The following TGFB3 variants were observed in gnomAD, a reference collection of about 807,000 sequenced individuals.
TGFB3 encodes transforming growth factor beta-3 proprotein.
Under a neutral mutation model 40.1 loss-of-function variants are expected in TGFB3, and 5 were observed. The observed-to-expected ratio is 0.12, with a 90% CI of 0.07 to 0.26. The LOEUF is 0.26. TGFB3 is among the 10% of genes least tolerant of loss of function. The pLI, the probability that TGFB3 is intolerant of heterozygous loss-of-function variation, is 1.00. For missense variants in TGFB3, 373 were observed against 530.1 expected (o/e 0.70, Z 2.91); for synonymous variants, 184 against 205.6 (o/e 0.89, Z 0.90).
rs71451199 is a variant in TGFB3, at chr14:75,981,428, T to TAA, written c.-537_-536dup. The TAA allele has an allele frequency of 2.5e-5, 4 of 159,656 alleles. No homozygotes were observed. Among genetic ancestry groups the TAA allele is most frequent in the South Asian group, 2.8e-4 (2 of 7,144 alleles). The allele number at this position is 159,656 out of a possible 1,614,324, so 9.9% of individuals were successfully genotyped here. On this transcript the variant is annotated 5_prime_UTR_variant, in exon 1 of 7. Transcript: ENST00000238682. The surrounding 1 kb of genome is among the most constrained non-coding windows in gnomAD (Gnocchi z 4.7). ...ATGGAAAAGAAAAGGGAAAAAAAAGTAAAAAAAAAAAGATCACCAGTGAGT... is the reference window on the plus strand; with the variant it reads ...ATGGAAAAGAAAAGGGAAAAAAAAGTAAAAAAAAAAAAAGATCACCAGTGAGT...
chr14:75,971,413 C>T lies in TGFB3; in HGVS notation c.516+142G>A. The stretch of plus-strand genomic sequence containing the variant: ...AGCTAACTCTTAAGTGTTTTAATGA[C>T]AGACACAGATACGGAAACGAAGGCT... On this transcript the variant is annotated intron_variant, in intron 2 of 6. Coordinates refer to ENST00000238682, the MANE Select transcript of TGFB3 (RefSeq NM_003239.5). The surrounding 1 kb of genome is among the most constrained non-coding windows in gnomAD (Gnocchi z 4.5). The T allele has an allele frequency of 6.6e-7, 1 of 1,518,486 alleles. No homozygotes were observed. The highest frequency in any genetic ancestry group is 9.0e-7 in the Non-Finnish European group (1 of 1,113,798). 94.1% of individuals were successfully genotyped at this position (1,518,486 alleles called of 1,614,324 possible). A position where few individuals can be genotyped will look rare whatever the true frequency, so the allele number is the denominator to read the frequency against.
intron 1 of TGFB3, among the ~76,000 whole-genome samples, chr14:75,972,885 C>T (rs2035310627): frequency 6.6e-6 from 1 of 152,206 alleles, no homozygotes; most frequent in Non-Finnish European, 1.5e-5. Flanking sequence ...GGCAGAAACA[C>T]AGATGCTTCC....
intron 6 of TGFB3, 143 bp from the exon 7 acceptor site, chr14:75,959,488 G>T: frequency 2.1e-6 from 2 of 966,682 alleles, no homozygotes; most frequent in Non-Finnish European, 3.2e-6. Context: ...AACTGTTGGG[G>T]GCCGGGTGCA....
At chr14:75,961,179 A>AT in intron 5 of TGFB3, 103 bp from the exon 6 acceptor site, 1 of 1,362,634 alleles carries the variant, frequency 7.3e-7, no homozygotes, top group Non-Finnish European at 1.0e-6. Context: ...ATGCCATCAT[A>AT]GGTGGCTCTG....
intron 1 of TGFB3, among the ~76,000 whole-genome samples, chr14:75,974,527 C>A (rs1237565389): frequency 1.3e-5 from 2 of 151,950 alleles, no homozygotes; most frequent in African/African-American, 4.8e-5. Flanking sequence ...CACTAGCAAG[C>A]AAAGCTTAGG....
At chr14:75,969,341 C>T (rs2035259196) in intron 3 of TGFB3, among the ~76,000 whole-genome samples, 2 of 152,130 alleles carry the variant, frequency 1.3e-5, no homozygotes, top group Non-Finnish European at 2.9e-5. Flanking sequence ...GATGGGACTG[C>T]CATCTGTGAC....
intron 4 of TGFB3, among the ~76,000 whole-genome samples, chr14:75,964,064 CAG>C (rs2035192575): frequency 6.6e-6 from 1 of 152,084 alleles, no homozygotes; most frequent in Non-Finnish European, 1.5e-5. Context: ...TTAGTAGAGA[CAG>C]GGTTTCACCA....
Position 75,971,064 on chromosome 14 carries a change from T to A in TGFB3, c.646+62A>T. 1 of 1,603,628 alleles carries A rather than the reference T, an allele frequency of 6.2e-7. No homozygotes were observed. On this transcript the variant is annotated intron_variant, in intron 3 of 6. Coordinates refer to ENST00000238682, the MANE Select transcript of TGFB3 (RefSeq NM_003239.5). This position sits in a 1 kb window ranked among gnomAD's most constrained non-coding sequence, Gnocchi z 4.5. ...CTTAATTCTGTCCTCTTCCCTCCAT[T>A]TCATGGAGGACTAAGGGACCTGAGG...
At chr14:75,968,113 C>T (rs1295279033) in intron 3 of TGFB3, among the ~76,000 whole-genome samples, 11 of 152,212 alleles carry the variant, frequency 7.2e-5, no homozygotes, top group East Asian at 1.9e-4. Context: ...ACCCACTCTG[C>T]GACCCAGAAT....
At chr14:75,963,863 T>A (rs1002719665) in intron 4 of TGFB3, among the ~76,000 whole-genome samples, 3 of 149,278 alleles carry the variant, frequency 2.0e-5, no homozygotes, top group Non-Finnish European at 4.4e-5. Context: ...CTCCGGGTTG[T>A]CGGCTTGTTT....
Position 75,971,107 on chromosome 14 carries a change from A to G in TGFB3, c.646+19T>C. 6.2e-7 allele frequency: 1 copy of G among 1,613,528 alleles called. No individual in the cohort carries two copies. Among genetic ancestry groups the G allele is most frequent in the African/African-American group, 1.3e-5 (1 of 75,056 alleles). On this transcript the variant is annotated intron_variant, in intron 3 of 6. Coordinates refer to ENST00000238682, the MANE Select transcript of TGFB3 (RefSeq NM_003239.5). The surrounding 1 kb of genome is among the most constrained non-coding windows in gnomAD (Gnocchi z 4.5). ...ACCTGAGGTTCATTCTGAAATGCTT[A>G]TCTGAAGGGTCCACCTACCTCTTCT...
intron 3 of TGFB3, among the ~76,000 whole-genome samples, chr14:75,967,478 A>G (rs1206929308): frequency 6.6e-6 from 1 of 152,160 alleles, no homozygotes; most frequent in Non-Finnish European, 1.5e-5. Flanking sequence ...CTACCTAACA[A>G]CACAGTGTAC....
At chr14:75,964,498 G>A (rs531580206) in intron 4 of TGFB3, among the ~76,000 whole-genome samples, 1 of 152,304 alleles carries the variant, frequency 6.6e-6, no homozygotes, top group South Asian at 2.1e-4. Context: ...GACTGACTTA[G>A]AAAGAGTCTC....
Position 75,980,445 on chromosome 14 carries a change from C to A in TGFB3, c.352+97G>T, listed in dbSNP as rs1485834648. 3.1e-6 allele frequency: 4 copies of A among 1,277,644 alleles called. No individual in the cohort carries two copies. Among genetic ancestry groups the A allele is most frequent in the Non-Finnish European group, 3.4e-6 (3 of 878,252 alleles). 79.1% of individuals were successfully genotyped at this position (1,277,644 alleles called of 1,614,324 possible). A position where few individuals can be genotyped will look rare whatever the true frequency, so the allele number is the denominator to read the frequency against. ...CTTGGTGCTGGTGAATCCTGGGGCA[C>A]CCTGCTGTGTGGCCAGCACTAGGCC... On this transcript the variant is annotated intron_variant, in intron 1 of 6. Transcript: ENST00000238682. The surrounding 1 kb of genome is among the most constrained non-coding windows in gnomAD (Gnocchi z 4.3).
chr14:75,971,825 C>CT lies in TGFB3; in HGVS notation c.353-108dup. The CT allele has an allele frequency of 7.5e-7, 1 of 1,333,714 alleles. No homozygotes were observed. Among genetic ancestry groups the CT allele is most frequent in the South Asian group, 1.2e-5 (1 of 80,818 alleles). 82.6% of individuals were successfully genotyped at this position (1,333,714 alleles called of 1,614,324 possible). A position where few individuals can be genotyped will look rare whatever the true frequency, so the allele number is the denominator to read the frequency against. ...GGCCACCGTCCCGCCTGCCACCTCC[C>CT]TAGAGGCTTGAGGCCTCAGACCGCA... is the stretch of plus-strand genomic sequence containing the variant. On this transcript the variant is annotated intron_variant, in intron 1 of 6. Coordinates refer to ENST00000238682, the MANE Select transcript of TGFB3 (RefSeq NM_003239.5). The surrounding 1 kb of genome is among the most constrained non-coding windows in gnomAD (Gnocchi z 4.5).
In TGFB3 at chr14:75,959,263, A is replaced by T; in HGVS notation, c.1163T>A (p.Ile388Asn). ...GGGGGTCCTCCCAACATAGTACAGG[A>T]TGGTCAGGGGCTCCAGGTCCTGGGG... Reference protein sequence around the residue: ...CVPQDLEPLTILYYVGRTPKV... With the variant: ...CVPQDLEPLTNLYYVGRTPKV... Residue 388 changes from isoleucine to asparagine, a missense_variant, in exon 7 of 7, where the codon ATC becomes AAC. Transcript: ENST00000238682. The T allele has an allele frequency of 6.2e-7, 1 of 1,614,138 alleles. No homozygotes were observed. Among genetic ancestry groups the T allele is most frequent in the East Asian group, 2.2e-5 (1 of 44,878 alleles).
At position 75,980,593 on chromosome 14, in the gene TGFB3, A is replaced by C. The variant is rs1380630603; in HGVS notation, c.301T>G (p.Tyr101Asp). Residue 101 changes from tyrosine (Y) to aspartate (D), a missense_variant, in exon 1 of 7, where the codon TAT becomes GAT. By Grantham distance (160) the Tyr-to-Asp change is radical (BLOSUM62 -3). Transcript: ENST00000238682. The surrounding 1 kb of genome is among the most constrained non-coding windows in gnomAD (Gnocchi z 4.3). ...CTQENTESEY[Y>D]AKEIHKFDMI... The stretch of plus-strand genomic sequence containing the variant: ...TCGAATTTATGGATTTCTTTGGCAT[A>C]GTATTCCGACTCGGTGTTTTCCTGG... The C allele has an allele frequency of 1.2e-6, 2 of 1,614,110 alleles. No individual in the cohort carries two copies. The highest frequency in any genetic ancestry group is 2.7e-5 in the African/African-American group (2 of 74,942).
chr14:75,964,466 G>GA (rs2035197161), intron 4 of TGFB3, among the ~76,000 whole-genome samples: 1 of 151,790 alleles, frequency 6.6e-6, no homozygotes, highest in African/African-American at 2.4e-5. Flanking sequence ...CGTTTCATCT[G>GA]AAAAAAAAGG....
intron 1 of TGFB3, among the ~76,000 whole-genome samples, chr14:75,973,156 T>C (rs1158527077): frequency 1.3e-5 from 2 of 152,186 alleles, no homozygotes; most frequent in African/African-American, 2.4e-5. Context: ...TAGCCCGAAG[T>C]TGAAATTCAA....
Sources: gnomAD v4.1 joint callset for allele counts (sites outside exome capture counted in the v4.1 genomes callset) on GRCh38, gnomAD v4.1.1 for gene constraint, Gnocchi (gnomAD v3.1) non-coding constraint, MANE v1.5 for transcripts, NCBI Gene and HGNC (gene_info 2026-07-23, HGNC 2026-07-21) for gene names.